The following ZZZ3 variants were observed in gnomAD, a reference collection of about 807,000 sequenced individuals.
The protein encoded by ZZZ3 is zinc finger ZZ-type containing 3.
Under a neutral mutation model 95.2 loss-of-function variants are expected in ZZZ3, and 22 were observed. The ratio of observed to expected loss-of-function variants is 0.23; its 90% CI spans 0.17 to 0.33. The LOEUF (loss-of-function observed/expected upper bound fraction) is 0.33, where lower values mean the gene tolerates loss of function less well. Ranked by LOEUF, ZZZ3 falls within the 10% of genes least tolerant of loss-of-function variation. ZZZ3 has a pLI of 1.00. For synonymous variants in ZZZ3, 335 were observed against 358.9 expected (o/e 0.93, Z 0.75); for missense variants, 885 against 1,066.5 (o/e 0.83, Z 2.37).
intron 5 of ZZZ3, among the ~76,000 whole-genome samples, chr1:77,601,304 C>A (rs1372685348): frequency 6.6e-6 from 1 of 152,082 alleles, no homozygotes; most frequent in Non-Finnish European, 1.5e-5. Context: ...GGACTTCACA[C>A]AAGGAAATCA....
At chr1:77,679,140 G>A (rs144527312) in intron 1 of ZZZ3, among the ~76,000 whole-genome samples, 12 of 152,188 alleles carry the variant, frequency 7.9e-5, no homozygotes, top group African/African-American at 2.6e-4. Context: ...TACTGAGAGT[G>A]GTTTTCAGAG....
intron 6 of ZZZ3, among the ~76,000 whole-genome samples, chr1:77,583,293 C>T (rs974430548): frequency 3.3e-5 from 5 of 152,002 alleles, no homozygotes; most frequent in South Asian, 2.1e-4. Context: ...GTAAAAATTT[C>T]GTTTCAAATT....
chr1:77,622,349 T>C (rs559697670), intron 5 of ZZZ3, among the ~76,000 whole-genome samples: 10 of 126,342 alleles, frequency 7.9e-5, no homozygotes, highest in Admixed American at 1.6e-4. Flanking sequence ...GGAATGATAA[T>C]GTAAAACAAA....
intron 5 of ZZZ3, among the ~76,000 whole-genome samples, chr1:77,600,933 G>T (rs377132011): frequency 1.6e-4 from 25 of 152,280 alleles, no homozygotes; most frequent in Non-Finnish European, 3.4e-4. Context: ...TGAGTTTTCA[G>T]TCAGACTAGG....
At chr1:77,573,560 T>C (rs1446824601) in intron 12 of ZZZ3, among the ~76,000 whole-genome samples, 4 of 152,182 alleles carry the variant, frequency 2.6e-5, no homozygotes, top group Non-Finnish European at 4.4e-5. Context: ...GCCTGATAAA[T>C]AGTAAGTTTA....
At chr1:77,655,181 A>ATTAATCCATTAACCAATTAACCCT (rs1670159640) in intron 1 of ZZZ3, among the ~76,000 whole-genome samples, 3 of 152,128 alleles carry the variant, frequency 2.0e-5, no homozygotes, top group Non-Finnish European at 2.9e-5. Context: ...CAATTAACCC[A>ATTAATCCATTAACCAATTAACCCT]TTAATCCATT....
At chr1:77,604,027 G>T (rs769985889) in intron 5 of ZZZ3, among the ~76,000 whole-genome samples, 22 of 152,114 alleles carry the variant, frequency 1.4e-4, no homozygotes, top group Non-Finnish European at 2.6e-4. Context: ...AAATTACTGG[G>T]TATGGTGGTC....
At chr1:77,649,222 C>A (rs1260009122) in intron 1 of ZZZ3, among the ~76,000 whole-genome samples, 1 of 151,332 alleles carries the variant, frequency 6.6e-6, no homozygotes, top group Admixed American at 6.6e-5. Context: ...GCTTAAAAAT[C>A]AATAATATAA....
At chr1:77,627,320 G>A (rs1257180784) in intron 5 of ZZZ3, among the ~76,000 whole-genome samples, 1 of 152,134 alleles carries the variant, frequency 6.6e-6, no homozygotes, top group African/African-American at 2.4e-5. Context: ...TAATGAAATT[G>A]CTTTGTAAAT....
At chr1:77,589,854 A>G (rs939861276) in intron 5 of ZZZ3, among the ~76,000 whole-genome samples, 3 of 152,192 alleles carry the variant, frequency 2.0e-5, no homozygotes, top group African/African-American at 7.2e-5. Context: ...AGGGAGGCAC[A>G]GACAGGCAGA....
At chr1:77,575,860 C>T (rs953741602) in intron 12 of ZZZ3, among the ~76,000 whole-genome samples, 9 of 152,108 alleles carry the variant, frequency 5.9e-5, no homozygotes, top group African/African-American at 2.2e-4. Flanking sequence ...AATAAGGTAG[C>T]TTCATGTTGA....
intron 1 of ZZZ3, among the ~76,000 whole-genome samples, chr1:77,658,985 G>A (rs1197496837): frequency 2.0e-5 from 3 of 151,950 alleles, no homozygotes; most frequent in East Asian, 1.9e-4. Context: ...TTGGGAGGCC[G>A]AGGCAGGCGG....
At chr1:77,657,039 G>A (rs781544114) in intron 1 of ZZZ3, among the ~76,000 whole-genome samples, 6 of 152,144 alleles carry the variant, frequency 3.9e-5, no homozygotes, top group Non-Finnish European at 7.3e-5. Context: ...GGAGTGCAGC[G>A]GTATGATCTC....
chr1:77,598,340 C>T (rs1211232035), intron 5 of ZZZ3, among the ~76,000 whole-genome samples: 1 of 152,084 alleles, frequency 6.6e-6, no homozygotes, highest in Non-Finnish European at 1.5e-5. Context: ...TCCTAAAGGT[C>T]TTCATCTTCA....
intron 5 of ZZZ3, among the ~76,000 whole-genome samples, chr1:77,628,068 T>C (rs1667479098): frequency 6.6e-6 from 1 of 152,230 alleles, no homozygotes; most frequent in South Asian, 2.1e-4. Context: ...CACTTGTGCT[T>C]CCTAGAGCCA....
At chr1:77,630,087 C>T (rs1667661800) in intron 5 of ZZZ3, among the ~76,000 whole-genome samples, 1 of 152,172 alleles carries the variant, frequency 6.6e-6, no homozygotes, top group African/African-American at 2.4e-5. Context: ...TAACATATAT[C>T]ATTTTATAAA....
chr1:77,568,527 GTA>G (rs1276745228), intron 12 of ZZZ3, 61 bp from the exon 13 acceptor site: 1 of 815,492 alleles, frequency 1.2e-6, no homozygotes, highest in East Asian at 3.2e-5. Flanking sequence ...TTAAGTGTAA[GTA>G]ATACTGATAC....
chr1:77,634,171 A>C (rs1668087595), intron 4 of ZZZ3, among the ~76,000 whole-genome samples: 1 of 151,838 alleles, frequency 6.6e-6, no homozygotes, highest in South Asian at 2.1e-4. Flanking sequence ...CTGTCTCAAA[A>C]AAATAAATAA....
Position 77,639,457 on chromosome 1 carries a change from C to G in ZZZ3, c.-60G>C. ...AAAACTAAATAACTTACCTGTACAA[C>G]CAAAGATCTATCATTGTGGAAATAT... On this transcript the variant is annotated 5_prime_UTR_variant, in exon 4 of 15. Transcript: ENST00000370801. 1 of 1,518,216 alleles carries G rather than the reference C, an allele frequency of 6.6e-7. No individual in the cohort carries two copies. 94.0% of individuals were successfully genotyped at this position (1,518,216 alleles called of 1,614,324 possible). A position where few individuals can be genotyped will look rare whatever the true frequency, so the allele number is the denominator to read the frequency against.
Sources: allele counts gnomAD v4.1 joint callset (sites outside exome capture counted in the v4.1 genomes callset), GRCh38; gene constraint gnomAD v4.1.1; transcripts MANE v1.5; gene names NCBI Gene and HGNC (gene_info 2026-07-23, HGNC 2026-07-21).